The following NRXN3 variants were observed in gnomAD, a reference collection of about 807,000 sequenced individuals.
NRXN3 encodes neurexin III.
A neutral mutation model predicts 137.6 loss-of-function variants in NRXN3; 32 were observed. The observed-to-expected ratio is 0.23, with a 90% CI of 0.18 to 0.31. NRXN3 has a LOEUF of 0.31. Among genes scored for constraint, NRXN3 ranks in the 10% least tolerant of loss-of-function variants. NRXN3 has a pLI of 1.00. For missense variants in NRXN3, 1,574 were observed against 2,062.5 expected (o/e 0.76, Z 4.59); for synonymous variants, 798 against 784.5 (o/e 1.02, Z -0.29).
intron 15 of NRXN3, among the ~76,000 whole-genome samples, chr14:79,014,122 T>C (rs1480681997): frequency 6.6e-6 from 1 of 152,122 alleles, no homozygotes; most frequent in Non-Finnish European, 1.5e-5. Flanking sequence ...TAAACTTTTA[T>C]TTTAGGTTCA....
intron 19 of NRXN3, among the ~76,000 whole-genome samples, chr14:79,788,461 T>TAACA (rs763598956): frequency 7.6e-4 from 115 of 152,312 alleles, no homozygotes; most frequent in Non-Finnish European, 1.5e-3. Context: ...CAATAATAAG[T>TAACA]AACACTATTA....
intron 15 of NRXN3, among the ~76,000 whole-genome samples, chr14:79,207,158 C>T (rs2066903668): frequency 2.0e-5 from 3 of 152,144 alleles, no homozygotes; most frequent in Admixed American, 2.0e-4. Flanking sequence ...AGTCCCCTCC[C>T]CATGTTCATT....
At chr14:79,607,661 T>G (rs114243497) in intron 16 of NRXN3, among the ~76,000 whole-genome samples, 1 of 148,864 alleles carries the variant, frequency 6.7e-6, no homozygotes, top group East Asian at 2.0e-4. Context: ...CATATTTAAA[T>G]GTTAATCTAC....
At chr14:78,711,959 T>C (rs948238226) in intron 7 of NRXN3, among the ~76,000 whole-genome samples, 1 of 152,218 alleles carries the variant, frequency 6.6e-6, no homozygotes, top group Non-Finnish European at 1.5e-5. Context: ...ATGTGGTGCC[T>C]CCTTCCCTGA....
At chr14:78,771,150 G>A (rs1164345818) in intron 8 of NRXN3, among the ~76,000 whole-genome samples, 1 of 152,184 alleles carries the variant, frequency 6.6e-6, no homozygotes, top group African/African-American at 2.4e-5. Flanking sequence ...GCAAGACCAG[G>A]CAACTCAGGC....
chr14:79,481,602 A>G (rs115350877), intron 16 of NRXN3, among the ~76,000 whole-genome samples: 2,569 of 152,312 alleles, frequency 0.017, 79 homozygotes, highest in African/African-American at 0.058. Flanking sequence ...CAGTATTGTA[A>G]TTTTATGGGA....
chr14:79,315,677 A>T (rs1215540583), intron 15 of NRXN3, among the ~76,000 whole-genome samples: 4 of 152,232 alleles, frequency 2.6e-5, no homozygotes, highest in African/African-American at 4.8e-5. Flanking sequence ...GTTTTTCCTA[A>T]CCAGGTTAAT....
chr14:79,031,283 T>G (rs1439688613), intron 15 of NRXN3, among the ~76,000 whole-genome samples: 1 of 152,148 alleles, frequency 6.6e-6, no homozygotes, highest in Non-Finnish European at 1.5e-5. Flanking sequence ...TATTTAGCCT[T>G]TTGTTAACTT....
chr14:79,023,941 C>G (rs1273320436), intron 15 of NRXN3, among the ~76,000 whole-genome samples: 1 of 152,118 alleles, frequency 6.6e-6, no homozygotes, highest in Non-Finnish European at 1.5e-5. Flanking sequence ...GAGGGAACAG[C>G]CAGTGCAGAA....
chr14:79,012,349 T>G (rs1197741404), intron 15 of NRXN3, among the ~76,000 whole-genome samples: 1 of 151,488 alleles, frequency 6.6e-6, no homozygotes, highest in African/African-American at 2.4e-5. Context: ...GTAAAATGAG[T>G]CTAGAAGAAT....
chr14:78,580,877 T>G (rs1773782933), intron 4 of NRXN3, among the ~76,000 whole-genome samples: 1 of 152,206 alleles, frequency 6.6e-6, no homozygotes, highest in African/African-American at 2.4e-5. Context: ...GATCTGGATA[T>G]TGGAATGTTT....
chr14:78,359,999 A>G (rs1010682197), intron 4 of NRXN3, among the ~76,000 whole-genome samples: 1 of 152,202 alleles, frequency 6.6e-6, no homozygotes, highest in African/African-American at 2.4e-5. Flanking sequence ...TTCTCAAAGT[A>G]CTATACCCTT....
At chr14:78,440,284 C>A (rs540011100) in intron 4 of NRXN3, among the ~76,000 whole-genome samples, 2 of 152,240 alleles carry the variant, frequency 1.3e-5, no homozygotes, top group East Asian at 3.9e-4. Flanking sequence ...AGCTGCCCAC[C>A]CCTGGCACAT....
intron 10 of NRXN3, among the ~76,000 whole-genome samples, chr14:78,941,149 A>G (rs1319336807): frequency 6.6e-6 from 1 of 152,200 alleles, no homozygotes; most frequent in Non-Finnish European, 1.5e-5. Context: ...AAAAATAGGC[A>G]CAATCACTGG....
At chr14:79,215,368 G>T (rs2153228807) in intron 15 of NRXN3, among the ~76,000 whole-genome samples, 1 of 151,546 alleles carries the variant, frequency 6.6e-6, no homozygotes, top group South Asian at 2.1e-4. Flanking sequence ...AATAGAGGCA[G>T]AAAATGAAGT....
At chr14:79,492,766 A>G (rs543112670) in intron 16 of NRXN3, among the ~76,000 whole-genome samples, 2 of 152,288 alleles carry the variant, frequency 1.3e-5, no homozygotes, top group African/African-American at 4.8e-5. Context: ...GTCTCAGAAG[A>G]TTACTTTTGA....
At chr14:78,480,610 C>T (rs951128129) in intron 4 of NRXN3, among the ~76,000 whole-genome samples, 1 of 152,066 alleles carries the variant, frequency 6.6e-6, no homozygotes, top group African/African-American at 2.4e-5. Context: ...CTATTTTTTT[C>T]ACATTTTGTA....
Position 78,598,254 on chromosome 14 carries a change from A to G in NRXN3, c.758-46866A>G, listed in dbSNP as rs147200664. Among the ~76,000 whole-genome samples the G allele has an allele frequency of 6.8e-3, 1,033 of 152,012 alleles. 45 individuals are homozygous for G. The highest frequency in any genetic ancestry group is 0.053 in the Admixed American group (811 of 15,264). ...GCTAGAATGCAGTAGCATACCCAGC[A>G]CCCCCTCAGACTTGGCTTGGTGGTG... is the stretch of plus-strand genomic sequence containing the variant. On this transcript the variant is annotated intron_variant, in intron 4 of 20. Transcript: ENST00000335750.
intron 15 of NRXN3, among the ~76,000 whole-genome samples, chr14:79,254,618 T>A (rs1430789616): frequency 6.6e-6 from 1 of 152,202 alleles, no homozygotes; most frequent in Non-Finnish European, 1.5e-5. Context: ...GCTGTCTTAC[T>A]GTTGGACTCT....
Sources: gnomAD v4.1 joint callset for allele counts (sites outside exome capture counted in the v4.1 genomes callset) on GRCh38, gnomAD v4.1.1 for gene constraint, MANE v1.5 for transcripts, NCBI Gene and HGNC (gene_info 2026-07-23, HGNC 2026-07-21) for gene names.